Variants in LIN28B observed in about 807,000 individuals in gnomAD.
LIN28B encodes the protein protein lin-28 homolog B.
Under a neutral mutation model 21.9 loss-of-function variants are expected in LIN28B, and 5 were observed. That is an observed-to-expected ratio of 0.23 (90% CI 0.12 to 0.48). The LOEUF is 0.48. Ranked by LOEUF, LIN28B falls within the 20% of genes least tolerant of loss-of-function variation. The pLI is 0.98. For synonymous variants in LIN28B, 109 were observed against 111.3 expected (o/e 0.98, Z 0.13); for missense variants, 245 against 310.5 (o/e 0.79, Z 1.58).
At chr6:104,958,428 C>A (rs1769628123) in intron 2 of LIN28B, 142 bp downstream of exon 2, 1 of 580,826 alleles carries the variant, frequency 1.7e-6, no homozygotes, top group Non-Finnish European at 2.9e-6. Context: ...GGTAGTCCAA[C>A]GTTTAGGGTA....
intron 3 of LIN28B, among the ~76,000 whole-genome samples, chr6:105,066,285 T>G (rs74914851): frequency 0.014 from 2,067 of 152,316 alleles, 45 homozygotes; most frequent in African/African-American, 0.048. Context: ...ACATTCTGTC[T>G]TCGTAAAAAC....
At chr6:104,951,012 G>A (rs2114553543) in intron 3 of LIN28B, among the ~76,000 whole-genome samples, 1 of 152,188 alleles carries the variant, frequency 6.6e-6, no homozygotes, top group East Asian at 1.9e-4. Context: ...AGGAAGCTCT[G>A]TGTTGCTTTT....
chr6:105,036,776 T>C (rs1460978022), intron 3 of LIN28B, among the ~76,000 whole-genome samples: 1 of 152,214 alleles, frequency 6.6e-6, no homozygotes, highest in African/African-American at 2.4e-5. Context: ...ACTCTAATAA[T>C]AGTTCAAGTA....
chr6:105,050,230 G>A (rs1208262502), intron 3 of LIN28B, among the ~76,000 whole-genome samples: 1 of 152,132 alleles, frequency 6.6e-6, no homozygotes, highest in African/African-American at 2.4e-5. Flanking sequence ...TTGCTTCTCT[G>A]TAAAGTATTT....
intron 2 of LIN28B, among the ~76,000 whole-genome samples, chr6:104,994,213 C>G (rs956068685): frequency 1.3e-4 from 19 of 151,960 alleles, no homozygotes; most frequent in African/African-American, 4.6e-4. Flanking sequence ...ACTGTGTTAG[C>G]CAGGTTGGTC....
At chr6:105,063,876 C>T (rs1022878011) in intron 3 of LIN28B, among the ~76,000 whole-genome samples, 11 of 147,896 alleles carry the variant, frequency 7.4e-5, no homozygotes, top group African/African-American at 1.2e-4. Flanking sequence ...TTTTTCAATA[C>T]GTCTTATTAA....
chr6:105,057,938 A>G (rs1772051391), intron 3 of LIN28B: 1 of 238,744 alleles, frequency 4.2e-6, no homozygotes, highest in Non-Finnish European at 8.3e-6. Context: ...GAATCTGAGC[A>G]ATTCAATATC....
intron 2 of LIN28B, among the ~76,000 whole-genome samples, chr6:104,963,494 G>A (rs529485656): frequency 6.6e-6 from 1 of 152,300 alleles, no homozygotes; most frequent in South Asian, 2.1e-4. Flanking sequence ...AATGTGAAAT[G>A]TGAATTGGGT....
intron 3 of LIN28B, among the ~76,000 whole-genome samples, chr6:105,067,328 C>T (rs988783509): frequency 2.6e-5 from 4 of 152,278 alleles, no homozygotes; most frequent in South Asian, 4.1e-4. Context: ...TGTAAACCTG[C>T]AGTTAGGATA....
At chr6:104,953,586 A>T (rs946573316), upstream of LIN28B, among the ~76,000 whole-genome samples, 1 of 152,190 alleles carries the variant, frequency 6.6e-6, no homozygotes, top group Non-Finnish European at 1.5e-5. Context: ...GATCTACCCC[A>T]CTTAGGGAGA....
intron 2 of LIN28B, among the ~76,000 whole-genome samples, chr6:105,016,592 A>C (rs756550326): frequency 4.6e-5 from 7 of 152,042 alleles, no homozygotes; most frequent in Non-Finnish European, 8.8e-5. Flanking sequence ...AGAAAAAGTC[A>C]CAGCTACTTT....
At chr6:105,056,956 C>A (rs1230527130) in intron 3 of LIN28B, among the ~76,000 whole-genome samples, 5 of 152,116 alleles carry the variant, frequency 3.3e-5, no homozygotes, top group Admixed American at 1.3e-4. Context: ...ATTGTCCTAT[C>A]CAGTGACAAT....
chr6:104,982,192 T>C (rs1770239130), intron 2 of LIN28B, among the ~76,000 whole-genome samples: 1 of 151,912 alleles, frequency 6.6e-6, no homozygotes, highest in Non-Finnish European at 1.5e-5. Flanking sequence ...CATACACCTG[T>C]AGTCCCAGCT....
intron 3 of LIN28B, among the ~76,000 whole-genome samples, chr6:105,046,861 G>A (rs1771777876): frequency 6.6e-6 from 1 of 152,120 alleles, no homozygotes; most frequent in South Asian, 2.1e-4. Flanking sequence ...TGTTGGTGGG[G>A]TTGTTTGTTT....
intron 2 of LIN28B, among the ~76,000 whole-genome samples, chr6:105,024,077 C>T (rs554769369): frequency 6.6e-6 from 1 of 152,202 alleles, no homozygotes; most frequent in South Asian, 2.1e-4. Context: ...CAACCTCCGC[C>T]TCCCAGGTTC....
intron 3 of LIN28B, 135 bp downstream of exon 3, chr6:105,026,617 A>G: frequency 1.7e-6 from 1 of 588,078 alleles, no homozygotes; most frequent in East Asian, 2.9e-5. Flanking sequence ...TAAATATCAG[A>G]AATATAGGCT....
intron 2 of LIN28B, among the ~76,000 whole-genome samples, chr6:104,995,844 A>C (rs1345499860): frequency 6.6e-6 from 1 of 152,096 alleles, no homozygotes; most frequent in Non-Finnish European, 1.5e-5. Flanking sequence ...AACTAAAAAA[A>C]ATAGCTAAAG....
chr6:105,050,682 G>C (rs1467149392), intron 3 of LIN28B, among the ~76,000 whole-genome samples: 5 of 145,972 alleles, frequency 3.4e-5, no homozygotes, highest in African/African-American at 1.3e-4. Flanking sequence ...TAGAGTTTCT[G>C]CCGAGAGATC....
chr6:104,966,474 GA>G (rs1308694098), intron 2 of LIN28B, among the ~76,000 whole-genome samples: 3 of 151,424 alleles, frequency 2.0e-5, no homozygotes, highest in Admixed American at 2.0e-4. Flanking sequence ...TTTTTGTTTT[GA>G]GACAGAGTAT....
Sources: gnomAD v4.1 joint callset for allele counts (sites outside exome capture counted in the v4.1 genomes callset) on GRCh38, gnomAD v4.1.1 for gene constraint, MANE v1.5 for transcripts, NCBI Gene and HGNC (gene_info 2026-07-23, HGNC 2026-07-21) for gene names.